TMEFF2: variants seen among roughly 807,000 people sequenced by gnomAD.
TMEFF2 encodes the protein transmembrane protein with EGF like and two follistatin like domains 2, also known as tomoregulin-2.
Under a neutral mutation model 53.8 loss-of-function variants are expected in TMEFF2, and 28 were observed. The ratio of observed to expected loss-of-function variants is 0.52; its 90% CI spans 0.39 to 0.71. TMEFF2 has a LOEUF of 0.71. Ranked by LOEUF, TMEFF2 falls within the 30% of genes least tolerant of loss-of-function variation. The probability of loss-of-function intolerance (pLI) is 0.00; values close to 1 mark genes in which losing one functional copy is unlikely to be tolerated. For synonymous variants in TMEFF2, 162 were observed against 166.3 expected (o/e 0.97, Z 0.20); for missense variants, 353 against 455.2 (o/e 0.78, Z 2.04).
At chr2:192,152,870 C>T (rs1351169806) in intron 4 of TMEFF2, among the ~76,000 whole-genome samples, 5 of 151,850 alleles carry the variant, frequency 3.3e-5, no homozygotes, top group African/African-American at 1.2e-4. Flanking sequence ...CAACCATTCT[C>T]AGAATATATT....
intron 4 of TMEFF2, among the ~76,000 whole-genome samples, chr2:192,166,366 C>T (rs1046251854): frequency 1.3e-5 from 2 of 152,042 alleles, no homozygotes; most frequent in Non-Finnish European, 2.9e-5. Context: ...TTGAAATGTA[C>T]ACATACTTCC....
intron 4 of TMEFF2, among the ~76,000 whole-genome samples, chr2:192,078,290 G>T (rs901633960): frequency 6.6e-6 from 1 of 152,116 alleles, no homozygotes; most frequent in Non-Finnish European, 1.5e-5. Context: ...GAGATTACAT[G>T]CAACATATAG....
At chr2:191,969,523 A>C (rs931032275) in intron 7 of TMEFF2, among the ~76,000 whole-genome samples, 1 of 152,196 alleles carries the variant, frequency 6.6e-6, no homozygotes, top group African/African-American at 2.4e-5. Flanking sequence ...AAAAGGTAAA[A>C]ATATGCAGAG....
intron 5 of TMEFF2, among the ~76,000 whole-genome samples, chr2:192,024,389 G>T (rs937548304): frequency 4.6e-5 from 7 of 152,154 alleles, no homozygotes; most frequent in Non-Finnish European, 1.0e-4. Context: ...TAAGCAGAAA[G>T]AGAGAAGCTT....
intron 4 of TMEFF2, among the ~76,000 whole-genome samples, chr2:192,116,556 TA>T (rs1302645367): frequency 6.6e-6 from 1 of 152,140 alleles, no homozygotes; most frequent in African/African-American, 2.4e-5. Context: ...TATATTTTGC[TA>T]AAAGAATATA....
chr2:192,101,123 G>GA (rs1349229592), intron 4 of TMEFF2, among the ~76,000 whole-genome samples: 2 of 152,232 alleles, frequency 1.3e-5, no homozygotes, highest in East Asian at 3.9e-4. Context: ...AGTATACCAT[G>GA]AAAAAGAAAT....
At chr2:192,093,086 T>A (rs1236356795) in intron 4 of TMEFF2, among the ~76,000 whole-genome samples, 1 of 152,178 alleles carries the variant, frequency 6.6e-6, no homozygotes, top group African/African-American at 2.4e-5. Context: ...CTGGCCTTTG[T>A]TGGGCAGATG....
At chr2:191,983,621 C>T (rs1324596401) in intron 7 of TMEFF2, among the ~76,000 whole-genome samples, 1 of 152,102 alleles carries the variant, frequency 6.6e-6, no homozygotes, top group Non-Finnish European at 1.5e-5. Flanking sequence ...GGGTCTACCC[C>T]AGGGCATAGG....
intron 4 of TMEFF2, among the ~76,000 whole-genome samples, chr2:192,132,217 T>C (rs1460743461): frequency 1.4e-4 from 22 of 152,292 alleles, no homozygotes; most frequent in African/African-American, 3.4e-4. Context: ...TTTCGTTCTG[T>C]GACTAGCCCT....
chr2:192,078,473 A>G (rs1355509183), intron 4 of TMEFF2, among the ~76,000 whole-genome samples: 3 of 152,182 alleles, frequency 2.0e-5, no homozygotes, highest in South Asian at 2.1e-4. Context: ...AATTAATTCT[A>G]GTAGTTGGAT....
At chr2:192,177,436 C>A (rs988381011) in intron 4 of TMEFF2, 1 of 150,156 alleles carries the variant, frequency 6.7e-6, no homozygotes, top group African/African-American at 2.5e-5. Context: ...GTCTTACAGA[C>A]CAAAGTAACA....
At chr2:192,184,739 T>A (rs564214338) in intron 2 of TMEFF2, among the ~76,000 whole-genome samples, 1 of 152,204 alleles carries the variant, frequency 6.6e-6, no homozygotes, top group African/African-American at 2.4e-5. Flanking sequence ...ACAAAGTGAC[T>A]GGACAAGTAG....
chr2:192,186,087 T>A (rs2106042604), intron 2 of TMEFF2, among the ~76,000 whole-genome samples: 1 of 152,230 alleles, frequency 6.6e-6, no homozygotes, highest in South Asian at 2.1e-4. Context: ...TTTCCACAGT[T>A]GCATTTTTGT....
chr2:192,049,931 G>A (rs556835970), intron 5 of TMEFF2, among the ~76,000 whole-genome samples: 2 of 152,228 alleles, frequency 1.3e-5, no homozygotes, highest in South Asian at 2.1e-4. Context: ...AACCTGGAAG[G>A]CGGAGCTTGC....
At chr2:192,126,545 T>C (rs1689683086) in intron 4 of TMEFF2, among the ~76,000 whole-genome samples, 1 of 152,212 alleles carries the variant, frequency 6.6e-6, no homozygotes, top group African/African-American at 2.4e-5. Context: ...AGATACTGAC[T>C]GTATTTTTTA....
chr2:192,131,690 A>G (rs1559139627), intron 4 of TMEFF2, among the ~76,000 whole-genome samples: 1 of 151,836 alleles, frequency 6.6e-6, no homozygotes, highest in South Asian at 2.1e-4. Flanking sequence ...CTCCTTCACT[A>G]TGGGCAAGCT....
intron 5 of TMEFF2, among the ~76,000 whole-genome samples, chr2:192,003,112 G>C (rs1366955929): frequency 6.6e-6 from 1 of 152,098 alleles, no homozygotes; most frequent in East Asian, 1.9e-4. Context: ...CCAATATCTT[G>C]CACACATGAA....
intron 5 of TMEFF2, among the ~76,000 whole-genome samples, chr2:192,053,493 T>C (rs184375178): frequency 1.6e-3 from 249 of 152,328 alleles, no homozygotes; most frequent in Non-Finnish European, 2.8e-3. Flanking sequence ...AGTTTCAGTA[T>C]TGTGGATATA....
chr2:192,164,978 CTGTGTGTGTGTGTG>C (rs71033662), intron 4 of TMEFF2, among the ~76,000 whole-genome samples: 1 of 145,112 alleles, frequency 6.9e-6, no homozygotes, highest in Non-Finnish European at 1.5e-5. Flanking sequence ...TGAATAAAAA[CTGTGTGTGTGTGTG>C]TGTGTGTGTG....
Sources: gnomAD v4.1 joint callset for allele counts (sites outside exome capture counted in the v4.1 genomes callset) on GRCh38, gnomAD v4.1.1 for gene constraint, MANE v1.5 for transcripts, NCBI Gene and HGNC (gene_info 2026-07-23, HGNC 2026-07-21) for gene names.